Variants in PDE7B observed in about 807,000 individuals in gnomAD.
PDE7B encodes the protein phosphodiesterase 7B.
PDE7B carries 29 observed loss-of-function variants against 56.2 expected under a neutral mutation model. The ratio of observed to expected loss-of-function variants is 0.52; its 90% CI spans 0.38 to 0.70. The LOEUF is 0.70. Ranked by LOEUF, PDE7B falls within the 30% of genes least tolerant of loss-of-function variation. The pLI, the probability that PDE7B is intolerant of heterozygous loss-of-function variation, is 0.00. For missense variants in PDE7B, 490 were observed against 565.0 expected (o/e 0.87, Z 1.35); for synonymous variants, 197 against 196.9 (o/e 1.00, Z 0.00).
chr6:135,912,829 C>T (rs1776235589), intron 1 of PDE7B, among the ~76,000 whole-genome samples: 1 of 152,076 alleles, frequency 6.6e-6, no homozygotes, highest in South Asian at 2.1e-4. Context: ...TTTTATCATT[C>T]CCATTTTACA....
At chr6:135,867,754 T>A (rs1775291565) in intron 1 of PDE7B, among the ~76,000 whole-genome samples, 1 of 152,250 alleles carries the variant, frequency 6.6e-6, no homozygotes, top group Non-Finnish European at 1.5e-5. Flanking sequence ...TTTAATGTGT[T>A]ACTCCATGAA....
In PDE7B at chr6:135,957,360, CTGAG is replaced by C. The variant is rs377261330; in HGVS notation, c.82+9838_82+9841del. Among the ~76,000 whole-genome samples, 16 of 152,266 alleles carry C rather than the reference CTGAG, an allele frequency of 1.1e-4. No homozygotes were observed. In the East Asian group the frequency reaches 2.7e-3, roughly 26 times the overall value. On this transcript the variant is annotated intron_variant, in intron 2 of 12. Transcript: ENST00000308191. The stretch of plus-strand genomic sequence containing the variant: ...ATGTGGAGCAGTTTTGAGGACCCAG[CTGAG>C]TTGGACACTGTAAATATCCAGGCCT...
chr6:136,127,481 A>G (rs1214129476), intron 3 of PDE7B, among the ~76,000 whole-genome samples: 1 of 152,184 alleles, frequency 6.6e-6, no homozygotes, highest in African/African-American at 2.4e-5. Context: ...GTAAGAGATG[A>G]TGGCTTCTAA....
chr6:136,038,483 CAGAG>C (rs1319969244), intron 2 of PDE7B: 4 of 1,289,614 alleles, frequency 3.1e-6, no homozygotes, highest in Non-Finnish European at 4.0e-6. Context: ...GGCGACCAAA[CAGAG>C]AGGCATTCTG....
intron 3 of PDE7B, among the ~76,000 whole-genome samples, chr6:136,109,347 G>T (rs1562495275): frequency 6.6e-6 from 1 of 152,122 alleles, no homozygotes; most frequent in Non-Finnish European, 1.5e-5. Context: ...TGTATAAAAA[G>T]TGTAAGTCTC....
intron 3 of PDE7B, among the ~76,000 whole-genome samples, chr6:136,129,879 A>G (rs13191631): frequency 6.2e-4 from 94 of 152,326 alleles, no homozygotes; most frequent in Non-Finnish European, 1.2e-3. Flanking sequence ...AGAGAAGGCA[A>G]GAGAAACCTC....
intron 1 of PDE7B, among the ~76,000 whole-genome samples, chr6:135,900,333 G>A (rs1775977592): frequency 6.6e-6 from 1 of 151,260 alleles, no homozygotes; most frequent in Admixed American, 6.6e-5. Flanking sequence ...ACTTTAAGTG[G>A]GTTTTTTATA....
At chr6:136,037,545 C>T (rs1776343257) in intron 2 of PDE7B, 1 of 985,304 alleles carries the variant, frequency 1.0e-6, no homozygotes, top group Non-Finnish European at 1.2e-6. Flanking sequence ...CAAGGTGCCC[C>T]CCAACCCCCA....
At chr6:136,164,997 C>G (rs892363953) in intron 8 of PDE7B, among the ~76,000 whole-genome samples, 2 of 152,110 alleles carry the variant, frequency 1.3e-5, no homozygotes, top group Non-Finnish European at 2.9e-5. Context: ...GACATTACAT[C>G]TTTTGTAACC....
chr6:135,890,539 G>A (rs1426530615), intron 1 of PDE7B, among the ~76,000 whole-genome samples: 1 of 152,170 alleles, frequency 6.6e-6, no homozygotes, highest in Non-Finnish European at 1.5e-5. Flanking sequence ...TGGTAACCCA[G>A]CACGCAGTGG....
At chr6:135,904,688 G>A (rs2327671) in intron 1 of PDE7B, among the ~76,000 whole-genome samples, 108,891 of 152,078 alleles carry the variant, frequency 0.72, 39,307 homozygotes, top group East Asian at 0.85. Context: ...CTTACTTTTA[G>A]TCATAGCATC....
At chr6:136,108,571 CAG>C (rs962595526) in intron 2 of PDE7B, among the ~76,000 whole-genome samples, 158 bp from the exon 3 acceptor site, 1 of 152,162 alleles carries the variant, frequency 6.6e-6, no homozygotes, top group African/African-American at 2.4e-5. Context: ...TCATTACACT[CAG>C]TATTAAATAT....
At position 136,193,785 on chromosome 6, in the gene PDE7B, G is replaced by C. The variant is rs1480493234; in HGVS notation, c.*1945G>C. The C allele has an allele frequency of 1.3e-5, 2 of 152,170 alleles. No homozygotes were observed. Among genetic ancestry groups the C allele is most frequent in the African/African-American group, 2.4e-5 (1 of 41,432 alleles). 9.4% of individuals were successfully genotyped at this position (152,170 alleles called of 1,614,324 possible). On this transcript the variant is annotated 3_prime_UTR_variant, in exon 13 of 13. Coordinates refer to ENST00000308191, the MANE Select transcript of PDE7B (RefSeq NM_018945.4). Reference sequence around the variant, plus strand: ...GATTGGCCTATAATAAGTTCCTATAGGGAGACTGAGGCTTGCAGAATTAAG... The same window carrying C: ...GATTGGCCTATAATAAGTTCCTATACGGAGACTGAGGCTTGCAGAATTAAG...
intron 11 of PDE7B, among the ~76,000 whole-genome samples, chr6:136,184,625 A>G (rs538056570): frequency 6.6e-6 from 1 of 152,284 alleles, no homozygotes; most frequent in East Asian, 1.9e-4. Flanking sequence ...TGCCTTGTAG[A>G]CCAGCTCAGT....
At chr6:135,914,022 C>T (rs1160961252) in intron 1 of PDE7B, among the ~76,000 whole-genome samples, 1 of 152,104 alleles carries the variant, frequency 6.6e-6, no homozygotes, top group Non-Finnish European at 1.5e-5. Context: ...TGTGAGATCT[C>T]ACTGGCCTCA....
chr6:135,954,856 T>C (rs1774761495), intron 2 of PDE7B, among the ~76,000 whole-genome samples: 1 of 152,150 alleles, frequency 6.6e-6, no homozygotes, highest in Non-Finnish European at 1.5e-5. Context: ...TTGCTTTCTG[T>C]GGAAGGTTGC....
chr6:136,021,618 T>A (rs190141251), intron 2 of PDE7B, among the ~76,000 whole-genome samples: 2,472 of 150,496 alleles, frequency 0.016, 36 homozygotes, highest in Non-Finnish European at 0.021. Flanking sequence ...CACTCCAGTC[T>A]GGGTGACAAG....
At chr6:135,865,635 G>GTA (rs1554262853) in intron 1 of PDE7B, among the ~76,000 whole-genome samples, 2 of 150,824 alleles carry the variant, frequency 1.3e-5, no homozygotes, top group African/African-American at 5.0e-5. Flanking sequence ...GTGTGTGTGT[G>GTA]TGTGTGTGTG....
intron 2 of PDE7B, among the ~76,000 whole-genome samples, chr6:136,103,856 G>A (rs1256413733): frequency 6.6e-6 from 1 of 152,110 alleles, no homozygotes. Context: ...GACATACCAC[G>A]ACAGGGGCCA....
Sources: gnomAD v4.1 joint callset for allele counts (sites outside exome capture counted in the v4.1 genomes callset) on GRCh38, gnomAD v4.1.1 for gene constraint, MANE v1.5 for transcripts, NCBI Gene and HGNC (gene_info 2026-07-23, HGNC 2026-07-21) for gene names.